The following XPNPEP1 variants were observed in gnomAD, a reference collection of about 807,000 sequenced individuals.
XPNPEP1 encodes the protein X-prolyl aminopeptidase 1.
XPNPEP1 carries 39 observed loss-of-function variants against 92.4 expected under a neutral mutation model. That is an observed-to-expected ratio of 0.42 (90% CI 0.33 to 0.55). The LOEUF is 0.55. Among genes scored for constraint, XPNPEP1 ranks in the 20% least tolerant of loss-of-function variants. The pLI, the probability that XPNPEP1 is intolerant of heterozygous loss-of-function variation, is 0.08. For synonymous variants in XPNPEP1, 307 were observed against 299.4 expected, an observed-to-expected ratio of 1.03 and a Z score of -0.26; for missense variants, 654 against 856.1, an observed-to-expected ratio of 0.76 and a Z score of 2.95.
chr10:109,865,128 C>T lies in XPNPEP1; in HGVS notation c.*56G>A. ...AAGGGGAAAGATGTCAGGGATCTGC[C>T]ACGTTTCTTCCTTCCTCCAGAGCAT... is the stretch of plus-strand genomic sequence containing the variant. On this transcript the variant is annotated 3_prime_UTR_variant, in exon 21 of 21. Coordinates refer to ENST00000502935, the MANE Select transcript of XPNPEP1 (RefSeq NM_020383.4). 1 of 1,606,476 alleles carries T rather than the reference C, an allele frequency of 6.2e-7. No homozygotes were observed. The highest frequency in any genetic ancestry group is 8.5e-7 in the Non-Finnish European group (1 of 1,174,104).
intron 3 of XPNPEP1, among the ~76,000 whole-genome samples, chr10:109,905,936 T>C (rs983724820): frequency 2.6e-5 from 4 of 152,180 alleles, no homozygotes; most frequent in Admixed American, 1.3e-4. Flanking sequence ...CTTCATTTGC[T>C]CCTAAGGCCA....
chr10:109,879,684 C>T (rs941432543), intron 12 of XPNPEP1, among the ~76,000 whole-genome samples: 10 of 151,506 alleles, frequency 6.6e-5, no homozygotes, highest in African/African-American at 2.4e-4. Context: ...TTTTCTTTTC[C>T]CAATTAAAGA....
intron 3 of XPNPEP1, among the ~76,000 whole-genome samples, chr10:109,895,231 C>T (rs1330249409): frequency 3.3e-5 from 5 of 152,212 alleles, no homozygotes; most frequent in African/African-American, 7.2e-5. Flanking sequence ...CTCTTCCACC[C>T]GTGACACAGG....
chr10:109,923,079 G>A, intron 1 of XPNPEP1: 1 of 846,226 alleles, frequency 1.2e-6, no homozygotes, highest in African/African-American at 1.8e-5. Context: ...TCCAAGAACG[G>A]GGCCTTCCCG....
At chr10:109,912,728 G>A (rs1849946529) in intron 2 of XPNPEP1, among the ~76,000 whole-genome samples, 1 of 152,194 alleles carries the variant, frequency 6.6e-6, no homozygotes. Context: ...TGTTATTAGA[G>A]TTAGACACAC....
Position 109,923,489 on chromosome 10 carries a change from G to T in XPNPEP1, c.-56C>A. The T allele has an allele frequency of 7.5e-7, 1 of 1,335,736 alleles. No homozygotes were observed. The highest frequency in any genetic ancestry group is 1.6e-5 in the South Asian group (1 of 61,714). 82.7% of individuals were successfully genotyped at this position (1,335,736 alleles called of 1,614,324 possible). On this transcript the variant is annotated 5_prime_UTR_variant, in exon 1 of 21. Transcript: ENST00000502935. ...GGGAGCGCAGACCAGCTGATCACCCGCGGAAGGGCCGGCGCGAAGGAGGCG... is the reference window on the plus strand; with the variant it reads ...GGGAGCGCAGACCAGCTGATCACCCTCGGAAGGGCCGGCGCGAAGGAGGCG...
At chr10:109,886,127 G>T in intron 8 of XPNPEP1, 119 bp downstream of exon 8, 1 of 965,186 alleles carries the variant, frequency 1.0e-6, no homozygotes, top group Non-Finnish European at 1.6e-6. Context: ...ATTTGGTGAC[G>T]TAGTCTTCTT....
At chr10:109,883,116 T>C (rs768776875) in intron 9 of XPNPEP1, among the ~76,000 whole-genome samples, 5 of 152,210 alleles carry the variant, frequency 3.3e-5, no homozygotes, top group Non-Finnish European at 7.3e-5. Flanking sequence ...CTTCCCACTA[T>C]TCTTGTTCAG....
chr10:109,923,376 G>A (rs1458934056), intron 1 of XPNPEP1, 26 bp downstream of exon 1: 1 of 1,429,158 alleles, frequency 7.0e-7, no homozygotes, highest in Non-Finnish European at 9.2e-7. Flanking sequence ...CTGCCCGGAC[G>A]CCGGCTGCCG....
chr10:109,884,212 C>T lies in XPNPEP1; in HGVS notation c.749-64G>A, dbSNP rs558553932. 19 of 1,520,324 alleles carry T rather than the reference C, an allele frequency of 1.2e-5. No homozygotes were observed. In the East Asian group the frequency reaches 3.2e-4, roughly 26 times the overall value. 94.2% of individuals were successfully genotyped at this position (1,520,324 alleles called of 1,614,324 possible). A position where few individuals can be genotyped will look rare whatever the true frequency, so the allele number is the denominator to read the frequency against. On this transcript the variant is annotated intron_variant, in intron 8 of 20. Transcript: ENST00000502935. ...TAAGATGTTAAGGGGTCGCTTGTAG[C>T]GGGAGGGAAGAGCTTCAGCTTGGAG...
At chr10:109,872,757 G>A (rs1004705654) in intron 16 of XPNPEP1, among the ~76,000 whole-genome samples, 6 of 152,222 alleles carry the variant, frequency 3.9e-5, no homozygotes, top group African/African-American at 1.4e-4. Flanking sequence ...GGGCTCATGG[G>A]AATTCACAGC....
chr10:109,867,293 T>C lies in XPNPEP1; in HGVS notation c.1872+1321A>G, dbSNP rs554488078. Among the ~76,000 whole-genome samples, 1 of 152,328 alleles carries C rather than the reference T, an allele frequency of 6.6e-6. No homozygotes were observed. Among genetic ancestry groups the C allele is most frequent in the African/African-American group, 2.4e-5 (1 of 41,574 alleles). On this transcript the variant is annotated intron_variant, in intron 20 of 20. Coordinates refer to ENST00000502935, the MANE Select transcript of XPNPEP1 (RefSeq NM_020383.4). This position sits in a 1 kb window ranked among gnomAD's most constrained non-coding sequence, Gnocchi z 4.5. ...CTTACAGGGGCTGGACAAGAGCCCC[T>C]GGACACTGGAAGGACTCTTCCTGCT...
intron 3 of XPNPEP1, among the ~76,000 whole-genome samples, chr10:109,900,319 A>T (rs985457186): frequency 2.6e-5 from 4 of 152,158 alleles, no homozygotes; most frequent in African/African-American, 9.7e-5. Context: ...TAGGAACAAG[A>T]GCCACAGGGA....
intron 2 of XPNPEP1, among the ~76,000 whole-genome samples, chr10:109,910,955 T>A (rs1849835705): frequency 1.3e-5 from 2 of 152,224 alleles, no homozygotes; most frequent in African/African-American, 4.8e-5. Context: ...TGGGCATAGG[T>A]CCTTTTTGGA....
At chr10:109,909,227 C>T (rs1202708643) in intron 2 of XPNPEP1, among the ~76,000 whole-genome samples, 1 of 152,008 alleles carries the variant, frequency 6.6e-6, no homozygotes, top group East Asian at 1.9e-4. Flanking sequence ...GCCAGGATTG[C>T]ACCACTACAC....
intron 2 of XPNPEP1, among the ~76,000 whole-genome samples, chr10:109,914,003 C>T (rs576441085): frequency 5.9e-5 from 9 of 151,496 alleles, no homozygotes; most frequent in Non-Finnish European, 1.0e-4. Flanking sequence ...AAATTGCATG[C>T]AATTATAGCA....
At chr10:109,918,854 AG>A (rs1564798959) in intron 1 of XPNPEP1, among the ~76,000 whole-genome samples, 1 of 31,492 alleles carries the variant, frequency 3.2e-5, no homozygotes, top group African/African-American at 7.8e-5. Context: ...GAAGGAAGGA[AG>A]GAGGGAAGGA....
At chr10:109,892,530 T>G in intron 4 of XPNPEP1, 1 of 160,426 alleles carries the variant, frequency 6.2e-6, no homozygotes, top group Non-Finnish European at 1.4e-5. Flanking sequence ...GGCATAATGG[T>G]TTTGAGGAAC....
At position 109,907,831 on chromosome 10, in the gene XPNPEP1, A is replaced by G; in HGVS notation, c.122-16T>C. 6.2e-7 allele frequency: 1 copy of G among 1,613,576 alleles called. No individual in the cohort carries two copies. The highest frequency in any genetic ancestry group is 8.5e-7 in the Non-Finnish European group (1 of 1,179,686). ...ATTCTGCCGTCTGCAACAACAGGAGAGCAAATTTCAAAACCAGCCTGCCCC... is the reference window on the plus strand; with the variant it reads ...ATTCTGCCGTCTGCAACAACAGGAGGGCAAATTTCAAAACCAGCCTGCCCC... On this transcript the variant is annotated splice_polypyrimidine_tract_variant and intron_variant, in intron 2 of 20. Coordinates refer to ENST00000502935, the MANE Select transcript of XPNPEP1 (RefSeq NM_020383.4).
Sources: allele counts gnomAD v4.1 joint callset (sites outside exome capture counted in the v4.1 genomes callset), GRCh38; gene constraint gnomAD v4.1.1; non-coding constraint Gnocchi (gnomAD v3.1); transcripts MANE v1.5; gene names NCBI Gene and HGNC (gene_info 2026-07-23, HGNC 2026-07-21).